FAM193A: variants seen among roughly 807,000 people sequenced by gnomAD.
FAM193A encodes the protein family with sequence similarity 193 member A, also known as protein FAM193A.
Under a neutral mutation model 126.5 loss-of-function variants are expected in FAM193A, and 22 were observed. The observed-to-expected ratio is 0.17, with a 90% CI of 0.12 to 0.25. The LOEUF is 0.25. Among genes scored for constraint, FAM193A ranks in the 10% least tolerant of loss-of-function variants. FAM193A has a pLI of 1.00. For synonymous variants in FAM193A, 761 were observed against 646.8 expected, an observed-to-expected ratio of 1.18 and a Z score of -2.68; for missense variants, 1,675 against 1,672.8, an observed-to-expected ratio of 1.00 and a Z score of -0.02.
At chr4:2,584,856 C>T (rs1025588890) in intron 1 of FAM193A, among the ~76,000 whole-genome samples, 21 of 151,896 alleles carry the variant, frequency 1.4e-4, no homozygotes, top group Non-Finnish European at 2.6e-4. Flanking sequence ...ACCCAGGTGA[C>T]GGAGGTTGCA....
intron 20 of FAM193A, among the ~76,000 whole-genome samples, chr4:2,723,982 C>T (rs1720453775): frequency 6.6e-6 from 1 of 151,824 alleles, no homozygotes; most frequent in East Asian, 1.9e-4. Context: ...TCAGTTTTCT[C>T]AACAGTCAGA....
At chr4:2,546,552 C>G (rs899928778) in intron 1 of FAM193A, among the ~76,000 whole-genome samples, 2 of 152,256 alleles carry the variant, frequency 1.3e-5, no homozygotes, top group South Asian at 2.1e-4. Context: ...AGGTTTATTT[C>G]ACTCAGCATA....
intron 7 of FAM193A, among the ~76,000 whole-genome samples, chr4:2,647,479 T>G (rs2109056001): frequency 6.6e-6 from 1 of 152,288 alleles, no homozygotes; most frequent in South Asian, 2.1e-4. Context: ...AGGAGCTGTT[T>G]ACTGAGCACT....
At chr4:2,692,021 A>T (rs1325176408) in intron 15 of FAM193A, among the ~76,000 whole-genome samples, 1 of 152,186 alleles carries the variant, frequency 6.6e-6, no homozygotes, top group African/African-American at 2.4e-5. Context: ...AGTTTGGGGA[A>T]TGGAGTATTT....
At chr4:2,590,285 C>T (rs1227463405) in intron 1 of FAM193A, among the ~76,000 whole-genome samples, 12 of 151,376 alleles carry the variant, frequency 7.9e-5, no homozygotes, top group African/African-American at 2.4e-4. Context: ...TCCTGGCCAA[C>T]GTGGTGAAAC....
chr4:2,571,498 G>A (rs1739289673), intron 1 of FAM193A, among the ~76,000 whole-genome samples: 2 of 152,016 alleles, frequency 1.3e-5, no homozygotes, highest in Non-Finnish European at 2.9e-5. Context: ...ATGTCTTTGT[G>A]GAAAAGGGTT....
intron 7 of FAM193A, chr4:2,655,103 G>T: frequency 1.4e-6 from 1 of 700,400 alleles, no homozygotes; most frequent in Non-Finnish European, 2.6e-6. Flanking sequence ...TGGCACCCTT[G>T]TCCAGTCCTG....
chr4:2,695,219 G>A, intron 17 of FAM193A, 90 bp downstream of exon 17: 2 of 1,117,488 alleles, frequency 1.8e-6, no homozygotes, highest in Non-Finnish European at 2.5e-6. Flanking sequence ...TGAATTCGGG[G>A]TATATTCCAC....
chr4:2,643,755 G>T (rs34745121), intron 6 of FAM193A, among the ~76,000 whole-genome samples: 9,584 of 152,172 alleles, frequency 0.063, 513 homozygotes, highest in African/African-American at 0.14. Flanking sequence ...TCCATCCTCT[G>T]TCCTGCCTGA....
At chr4:2,722,251 G>A (rs1053313965) in intron 20 of FAM193A, among the ~76,000 whole-genome samples, 7 of 152,094 alleles carry the variant, frequency 4.6e-5, no homozygotes, top group African/African-American at 1.7e-4. Context: ...GTCTGCAGTC[G>A]ACAAAACAGG....
chr4:2,542,443 C>T (rs1002275115), intron 1 of FAM193A, among the ~76,000 whole-genome samples: 10 of 152,124 alleles, frequency 6.6e-5, no homozygotes, highest in African/African-American at 1.7e-4. Flanking sequence ...TGCACCTGGC[C>T]GATATTTTAA....
chr4:2,581,230 T>C (rs1163773715), intron 1 of FAM193A, among the ~76,000 whole-genome samples: 13 of 151,552 alleles, frequency 8.6e-5, no homozygotes, highest in Admixed American at 2.0e-4. Flanking sequence ...CCATATTCTC[T>C]CTTCCTGAAA....
rs777617365 is a variant in FAM193A, at chr4:2,693,591, G to A, written c.2809G>A (p.Val937Met). ...SSKRPPSVGD[V>M]FHGISKEDHR... is the part of the protein sequence containing the mutation. Reference sequence around the variant, plus strand: ...TCTCGCCTCTCTAAATGCAGGTGACGTGTTTCATGGCATCAGCAAGGAGGA... The same window carrying A: ...TCTCGCCTCTCTAAATGCAGGTGACATGTTTCATGGCATCAGCAAGGAGGA... Residue 937 changes from valine (V) to methionine (M), a missense_variant, in exon 16 of 21, where the codon GTG becomes ATG. This residue lies in a region of FAM193A where 1,186 missense variants were observed against 1,109.2 expected (regional missense o/e 1.07). Transcript: ENST00000637812. The A allele has an allele frequency of 1.9e-5, 30 of 1,608,742 alleles. 1 individual carries two copies. The highest frequency in any genetic ancestry group is 1.2e-4 in the Admixed American group (7 of 59,838).
At chr4:2,615,474 G>T (rs1442930889) in intron 2 of FAM193A, among the ~76,000 whole-genome samples, 1 of 151,860 alleles carries the variant, frequency 6.6e-6, no homozygotes, top group African/African-American at 2.4e-5. Flanking sequence ...ATTATGATTT[G>T]TTCATTGACC....
In FAM193A at chr4:2,692,423, G is replaced by A. The variant is rs572151995; in HGVS notation, c.2804-1163G>A. Among the ~76,000 whole-genome samples the A allele has an allele frequency of 5.9e-5, 9 of 152,202 alleles. No individual in the cohort carries two copies. The South Asian group carries it at 1.9e-3, about 32-fold the overall frequency. On this transcript the variant is annotated intron_variant, in intron 15 of 20. Coordinates refer to ENST00000637812, the MANE Select transcript of FAM193A (RefSeq NM_001366318.2). Reference sequence around the variant, plus strand: ...AAAATTCAAGATGAGATTTGTGTGGGGACACAACCAAACCCTATCACTGGG... The same window carrying A: ...AAAATTCAAGATGAGATTTGTGTGGAGACACAACCAAACCCTATCACTGGG...
intron 1 of FAM193A, among the ~76,000 whole-genome samples, chr4:2,578,518 T>C (rs1739736549): frequency 6.6e-6 from 1 of 152,104 alleles, no homozygotes; most frequent in Non-Finnish European, 1.5e-5. Flanking sequence ...GGTTAATTCT[T>C]GCTTAAGGGT....
chr4:2,678,065 C>G (rs947208838), intron 13 of FAM193A, among the ~76,000 whole-genome samples: 2 of 152,134 alleles, frequency 1.3e-5, no homozygotes, highest in South Asian at 4.1e-4. Flanking sequence ...GTGGCATGAT[C>G]CCGCTCACTG....
chr4:2,588,231 C>G (rs1740342826), intron 1 of FAM193A, among the ~76,000 whole-genome samples: 1 of 152,230 alleles, frequency 6.6e-6, no homozygotes, highest in South Asian at 2.1e-4. Flanking sequence ...CTCTCAACTT[C>G]CATCATTAGG....
chr4:2,646,616 G>T, intron 6 of FAM193A, 69 bp from the exon 7 acceptor site: 3 of 1,469,980 alleles, frequency 2.0e-6, no homozygotes, highest in Non-Finnish European at 2.8e-6. Context: ...TCAGCAGGAA[G>T]CACATTTCTG....
Sources: allele counts gnomAD v4.1 joint callset (sites outside exome capture counted in the v4.1 genomes callset), GRCh38; gene constraint gnomAD v4.1.1; regional missense constraint gnomAD v4.1.1; transcripts MANE v1.5; gene names NCBI Gene and HGNC (gene_info 2026-07-23, HGNC 2026-07-21).